The following STK32B variants were observed in gnomAD, a reference collection of about 807,000 sequenced individuals.
STK32B encodes serine/threonine kinase 32B, also known as serine/threonine-protein kinase 32B.
A neutral mutation model predicts 52.6 loss-of-function variants in STK32B; 43 were observed. The ratio of observed to expected loss-of-function variants is 0.82; its 90% CI spans 0.64 to 1.05. The LOEUF is 1.05. STK32B is among the 50% of genes least tolerant of loss of function. The pLI is 0.00. For missense variants in STK32B, 621 were observed against 534.6 expected (o/e 1.16, Z -1.59); for synonymous variants, 238 against 204.3 (o/e 1.17, Z -1.41).
upstream of STK32B, chr4:5,051,367 G>A (rs1173918163): frequency 6.4e-6 from 1 of 156,456 alleles, no homozygotes; most frequent in African/African-American, 2.6e-5. Flanking sequence ...CCGGCCGAGG[G>A]AGGAGGGCCG....
chr4:5,140,500 TG>T (rs1181412792), intron 2 of STK32B, among the ~76,000 whole-genome samples: 1 of 152,218 alleles, frequency 6.6e-6, no homozygotes, highest in African/African-American at 2.4e-5. Context: ...TATTCTGTTA[TG>T]TTTTTTTCAC....
chr4:5,078,034 C>T (rs1712184719), intron 1 of STK32B, among the ~76,000 whole-genome samples: 1 of 152,120 alleles, frequency 6.6e-6, no homozygotes, highest in Admixed American at 6.5e-5. Flanking sequence ...TCACACATCT[C>T]TTCTCTCAAC....
At chr4:5,144,746 C>G (rs557817572) in intron 2 of STK32B, among the ~76,000 whole-genome samples, 1 of 152,110 alleles carries the variant, frequency 6.6e-6, no homozygotes, top group South Asian at 2.1e-4. Flanking sequence ...TATATAAAAT[C>G]AGGCAGCTTA....
intron 1 of STK32B, among the ~76,000 whole-genome samples, chr4:5,094,977 G>A (rs28375845): frequency 3.3e-5 from 5 of 152,092 alleles, no homozygotes; most frequent in African/African-American, 1.2e-4. Context: ...GGGCACTGTG[G>A]GCTCAGAGAG....
intron 3 of STK32B, among the ~76,000 whole-genome samples, chr4:5,261,342 T>G (rs1726701242): frequency 6.6e-6 from 1 of 152,172 alleles, no homozygotes; most frequent in Non-Finnish European, 1.5e-5. Context: ...GTGTGTCAGC[T>G]AGAGGAGAGA....
chr4:5,140,243 G>GA (rs759134987), intron 2 of STK32B: 158 of 1,439,428 alleles, frequency 1.1e-4, no homozygotes, highest in Middle Eastern at 7.2e-4. Flanking sequence ...GAGGAAAGTT[G>GA]AAAAAAAACC....
Position 5,460,073 on chromosome 4 carries a change from C to T in STK32B, c.784-30C>T, listed in dbSNP as rs760231579. 2 of 1,614,180 alleles carry T rather than the reference C, an allele frequency of 1.2e-6. No homozygotes were observed. Among genetic ancestry groups the T allele is most frequent in the East Asian group, 2.2e-5 (1 of 44,886 alleles). On this transcript the variant is annotated intron_variant, in intron 8 of 11. Transcript: ENST00000282908. This position sits in a 1 kb window ranked among gnomAD's most constrained non-coding sequence, Gnocchi z 4.8. ...CGCTAACCTTGAGGGATGCCCAATT[C>T]ATGGAAACTCATTTGCCCTCTAACT...
At chr4:5,239,575 C>T (rs1286358083) in intron 3 of STK32B, among the ~76,000 whole-genome samples, 1 of 151,862 alleles carries the variant, frequency 6.6e-6, no homozygotes, top group Non-Finnish European at 1.5e-5. Context: ...TCCAGGGCAC[C>T]CCAGATACTG....
chr4:5,281,013 C>T (rs752506466), intron 3 of STK32B, among the ~76,000 whole-genome samples: 1 of 152,044 alleles, frequency 6.6e-6, no homozygotes. Context: ...GTACAGGAGG[C>T]GTGGCTGGGG....
At chr4:5,283,969 C>CTA (rs1455599482) in intron 3 of STK32B, among the ~76,000 whole-genome samples, 1 of 151,984 alleles carries the variant, frequency 6.6e-6, no homozygotes, top group Non-Finnish European at 1.5e-5. Flanking sequence ...CTAATTGTAC[C>CTA]ATAAAGGTGG....
chr4:5,272,340 T>A (rs1489699022), intron 3 of STK32B, among the ~76,000 whole-genome samples: 1 of 148,218 alleles, frequency 6.7e-6, no homozygotes, highest in East Asian at 2.0e-4. Flanking sequence ...CAGCCTTGCA[T>A]CCCAGGGATG....
chr4:5,354,144 A>T (rs71597753), intron 4 of STK32B, among the ~76,000 whole-genome samples: 7,334 of 152,322 alleles, frequency 0.048, 238 homozygotes, highest in East Asian at 0.074. Context: ...ACAAGGACAA[A>T]TTGTGAGTGT....
rs1316219712 is a variant in STK32B, at chr4:5,372,198, C to T, written c.435-26009C>T. Among the ~76,000 whole-genome samples the T allele has an allele frequency of 2.6e-5, 4 of 152,264 alleles. 1 individual carries two copies. Among genetic ancestry groups the T allele is most frequent in the Middle Eastern group, 6.8e-3 (2 of 294 alleles). On this transcript the variant is annotated intron_variant, in intron 4 of 11. Transcript: ENST00000282908. The stretch of plus-strand genomic sequence containing the variant: ...AAAGTAAAGTCAAAGGATTGGGGAC[C>T]GTGGCAAGCAGCAACAGAACAGTAA...
chr4:5,096,720 G>A (rs1038751960), intron 1 of STK32B, among the ~76,000 whole-genome samples: 1 of 152,182 alleles, frequency 6.6e-6, no homozygotes, highest in African/African-American at 2.4e-5. Context: ...TTGTAGGAAG[G>A]GGGAGGGCGG....
At chr4:5,471,932 G>A (rs1717884220) in intron 11 of STK32B, among the ~76,000 whole-genome samples, 1 of 152,198 alleles carries the variant, frequency 6.6e-6, no homozygotes, top group African/African-American at 2.4e-5. Flanking sequence ...ACTGGCTGCG[G>A]GATGCTCCCG....
rs1368885196 is a variant in STK32B at position 5,468,009 on chromosome 4, G to A, written c.1045G>A (p.Gly349Arg). The A allele has an allele frequency of 2.5e-6, 4 of 1,614,114 alleles. No individual in the cohort carries two copies. The Admixed American group carries it at 6.7e-5, about 27-fold the overall frequency. ...ACCCCTCTGTGCTCTTTGACAGAAT[G>A]GACACCTGCAGCACTGTTTGGAGAC... is the stretch of plus-strand genomic sequence containing the variant. ...DGTKDSCPLNGHLQHCLETVR... is the reference protein window; with the variant it reads ...DGTKDSCPLNRHLQHCLETVR... Residue 349 changes from glycine (G) to arginine (R), a missense_variant, in exon 11 of 12, where the codon GGA (glycine) becomes AGA (arginine). Gly to Arg is a moderately radical substitution (Grantham distance 125, BLOSUM62 -2). Transcript: ENST00000282908.
chr4:5,451,652 A>C (rs910729504), intron 7 of STK32B, among the ~76,000 whole-genome samples: 3 of 152,184 alleles, frequency 2.0e-5, no homozygotes, highest in Non-Finnish European at 4.4e-5. Context: ...TTGAGGCCAG[A>C]TGATTTTTTG....
upstream of STK32B, among the ~76,000 whole-genome samples, chr4:5,046,927 T>C (rs542435223): frequency 6.6e-6 from 1 of 152,368 alleles, no homozygotes; most frequent in African/African-American, 2.4e-5. Flanking sequence ...GAAGACAGTA[T>C]GGTGATTTCT....
chr4:5,139,851 G>A, intron 1 of STK32B, 54 bp from the exon 2 acceptor site: 7 of 1,603,660 alleles, frequency 4.4e-6, no homozygotes, highest in Non-Finnish European at 6.0e-6. Flanking sequence ...TATTCAAGGA[G>A]CAATACCAGG....
Sources: gnomAD v4.1 joint callset for allele counts (sites outside exome capture counted in the v4.1 genomes callset) on GRCh38, gnomAD v4.1.1 for gene constraint, Gnocchi (gnomAD v3.1) non-coding constraint, MANE v1.5 for transcripts, NCBI Gene and HGNC (gene_info 2026-07-23, HGNC 2026-07-21) for gene names.